Variants in PIGO observed in about 807,000 individuals in gnomAD.
PIGO encodes phosphatidylinositol glycan anchor biosynthesis class O, also known as GPI ethanolamine phosphate transferase 3, catalytic subunit.
A neutral mutation model predicts 86.9 loss-of-function variants in PIGO; 66 were observed. The observed-to-expected ratio is 0.76, with a 90% CI of 0.62 to 0.93. The LOEUF is 0.93. Ranked by LOEUF, PIGO falls within the 40% of genes least tolerant of loss-of-function variation. The pLI is 0.00. For missense variants in PIGO, 1,202 were observed against 1,359.1 expected (o/e 0.88, Z 1.82); for synonymous variants, 570 against 556.4 (o/e 1.02, Z -0.34).
In PIGO at chr9:35,092,526, C is replaced by T. The variant is rs751477063; in HGVS notation, c.1361G>A (p.Gly454Asp). 6.2e-7 allele frequency: 1 copy of T among 1,614,156 alleles called. No homozygotes were observed. The highest frequency in any genetic ancestry group is 1.1e-5 in the South Asian group (1 of 91,088). ...ARFSLVRMAG[G>D]TALLAASCFI... Reference sequence around the variant, plus strand: ...GCAGGAAGCAGCCAAGAGAGCAGTACCCCCCGCCATGCGGACCAGAGAGAA... The same window carrying T: ...GCAGGAAGCAGCCAAGAGAGCAGTATCCCCCGCCATGCGGACCAGAGAGAA... The change falls in exon 7 of 11, where the codon GGT (glycine) becomes GAT (aspartate). Residue 454 changes from glycine to aspartate, a missense_variant. By Grantham distance (94) the Gly-to-Asp change is moderately conservative. Coordinates refer to ENST00000378617, the MANE Select transcript of PIGO (RefSeq NM_032634.4).
chr9:35,089,465 G>C lies in PIGO; in HGVS notation c.3070-15C>G. On this transcript the variant is annotated splice_polypyrimidine_tract_variant and intron_variant, in intron 9 of 10. Transcript: ENST00000378617. ...CAGGCCAGAATCTAGAGGAGGAGAG[G>C]AGGGGCCACGTTACTTGTGAAGGAG... is the stretch of plus-strand genomic sequence containing the variant. The C allele has an allele frequency of 6.2e-7, 1 of 1,614,134 alleles. No homozygotes were observed. The highest frequency in any genetic ancestry group is 8.5e-7 in the Non-Finnish European group (1 of 1,180,024).
chr9:35,091,791 G>A lies in PIGO; in HGVS notation c.2096C>T (p.Pro699Leu), dbSNP rs758634173. 2.5e-6 allele frequency: 4 copies of A among 1,612,974 alleles called. No homozygotes were observed. In the East Asian group the frequency reaches 6.7e-5, roughly 27 times the overall value. The stretch of plus-strand genomic sequence containing the variant: ...TCCCCAGCGCACAAAGAGCATGGGT[G>A]GCTCGGGGCTCTTGAGATTACCATA... ...RRYGNLKSPE[P>L]PMLFVRWGLP... Residue 699 changes from proline to leucine, a missense_variant, in exon 7 of 11, where the codon CCA becomes CTA. Pro to Leu is a moderately conservative substitution (Grantham distance 98). Transcript: ENST00000378617.
rs1172455863 is a variant in PIGO, at chr9:35,090,292, G to A, written c.2855-12C>T. 6.2e-7 allele frequency: 1 copy of A among 1,611,760 alleles called. No homozygotes were observed. The highest frequency in any genetic ancestry group is 8.5e-7 in the Non-Finnish European group (1 of 1,178,486). The stretch of plus-strand genomic sequence containing the variant: ...CAGTGGGCAACCTACTGCCTCAAGA[G>A]AGGGTATGGCTGGAATCAACAGGCC... On this transcript the variant is annotated splice_polypyrimidine_tract_variant and intron_variant, in intron 8 of 10. Transcript: ENST00000378617.
At position 35,095,562 on chromosome 9, in the gene PIGO, G is replaced by T; in HGVS notation, c.4C>A (p.Gln2Lys). 1 of 1,559,570 alleles carries T rather than the reference G, an allele frequency of 6.4e-7. No individual in the cohort carries two copies. Reference protein sequence around the residue: MQKASVLLFLAW... With the variant: MKKASVLLFLAW... ...AGGAAGAGCAACACTGAGGCTTTCT[G>T]CATCCTGATAGGGGTGGGGAAGTAA... The change falls in exon 2 of 11, where the codon CAG (glutamine) becomes AAG (lysine). Residue 2 changes from glutamine (Q) to lysine (K), a missense_variant. Gln to Lys is a moderately conservative substitution (Grantham distance 53). Transcript: ENST00000378617.
At chr9:35,095,740 A>G in intron 1 of PIGO, 174 bp from the exon 2 acceptor site, 2 of 916,012 alleles carry the variant, frequency 2.2e-6, no homozygotes, top group Non-Finnish European at 3.1e-6. Context: ...CAGGCTGGGC[A>G]TGGTGGCTCA....
In PIGO at chr9:35,088,784, A is replaced by G. The variant is rs998451776; in HGVS notation, c.*308T>C. On this transcript the variant is annotated 3_prime_UTR_variant, in exon 11 of 11. Coordinates refer to ENST00000378617, the MANE Select transcript of PIGO (RefSeq NM_032634.4). The stretch of plus-strand genomic sequence containing the variant: ...GGTCTTGAACTCCTGGGACCAAGCA[A>G]TCCTCCCACCTCTGCCTCCCAAAGT... 1.2e-5 allele frequency: 3 copies of G among 258,924 alleles called. No homozygotes were observed. Among genetic ancestry groups the G allele is most frequent in the Non-Finnish European group, 2.3e-5 (3 of 131,994 alleles). The allele number at this position is 258,924 out of a possible 1,614,324, so 16.0% of individuals were successfully genotyped here.
chr9:35,091,278 A>G lies in PIGO; in HGVS notation c.2609T>C (p.Leu870Pro). 5 of 1,610,222 alleles carry G rather than the reference A, an allele frequency of 3.1e-6. No individual in the cohort carries two copies. The highest frequency in any genetic ancestry group is 4.2e-6 in the Non-Finnish European group (5 of 1,177,704). Residue 870 changes from leucine (L) to proline (P), a missense_variant, in exon 7 of 11, where the codon CTA becomes CCA. Physicochemically the swap from Leu to Pro is moderately conservative, Grantham distance 98. Transcript: ENST00000378617. ...GGGTATCCCAGCAGCAAGCAGATGTAGGAGAAGGAAGCTCTGCAGAAACAG... is the reference window on the plus strand; with the variant it reads ...GGGTATCCCAGCAGCAAGCAGATGTGGGAGAAGGAAGCTCTGCAGAAACAG... ...LLLFLQSFLL[L>P]HLLAAGIPVT...
chr9:35,092,144 G>T lies in PIGO; in HGVS notation c.1743C>A (p.Ile581=). Residue 581 remains isoleucine (I), a synonymous_variant, in exon 7 of 11, where the codon ATC becomes ATA. Coordinates refer to ENST00000378617, the MANE Select transcript of PIGO (RefSeq NM_032634.4). Reference sequence around the variant, plus strand: ...AGTGAAGCTGGACAACCAGGAGCAGGATGAATGAGCCCAAAAGGAAGGGGG... The same window carrying T: ...AGTGAAGCTGGACAACCAGGAGCAGTATGAATGAGCCCAAAAGGAAGGGGG... ...RATPFLLGSF[I]LLLVVQLHWE... 1 of 1,614,234 alleles carries T rather than the reference G, an allele frequency of 6.2e-7. No individual in the cohort carries two copies. Among genetic ancestry groups the T allele is most frequent in the Non-Finnish European group, 8.5e-7 (1 of 1,180,042 alleles).
chr9:35,093,308 G>A (rs769096649), intron 5 of PIGO, 99 bp from the exon 6 acceptor site: 9 of 1,569,168 alleles, frequency 5.7e-6, no homozygotes, highest in South Asian at 1.2e-5. Flanking sequence ...GAGAGTGGAG[G>A]ATACCCAGGA....
chr9:35,093,360 G>C, intron 5 of PIGO, 61 bp downstream of exon 5: 1 of 1,607,500 alleles, frequency 6.2e-7, no homozygotes, highest in Non-Finnish European at 8.5e-7. Context: ...TCATGAGGAT[G>C]CTGTAATGGT....
Position 35,095,281 on chromosome 9 carries a change from A to G in PIGO, c.285T>C (p.Pro95=), listed in dbSNP as rs1176196208. ...GTTTGCCCAGGAAGGGTAGGGAGAC[A>G]GGAGGCTCTCTAGGCACGTGTGAAT... ...PQHSHVPREP[P]VSLPFLGKLS... is the part of the protein sequence containing the mutation. The change falls in exon 2 of 11, where the codon CCT becomes CCC. Residue 95 remains proline, a synonymous_variant. Transcript: ENST00000378617. 1.2e-6 allele frequency: 2 copies of G among 1,614,054 alleles called. No individual in the cohort carries two copies. Among genetic ancestry groups the G allele is most frequent in the African/African-American group, 2.7e-5 (2 of 74,930 alleles).
intron 5 of PIGO, 89 bp from the exon 6 acceptor site, chr9:35,093,298 G>A (rs772391745): frequency 1.9e-6 from 3 of 1,568,490 alleles, no homozygotes; most frequent in Admixed American, 1.8e-5. Flanking sequence ...GGTAAGAAAT[G>A]AGAGTGGAGG....
intron 9 of PIGO, 148 bp downstream of exon 9, chr9:35,089,918 C>A: frequency 6.9e-7 from 1 of 1,439,076 alleles, no homozygotes; most frequent in Non-Finnish European, 9.2e-7. Context: ...AGTCTCAGAA[C>A]TGCCATTTGA....
Position 35,095,429 on chromosome 9 carries a change from C to A in PIGO, c.137G>T (p.Gly46Val). The change falls in exon 2 of 11, where the codon GGC (glycine) becomes GTC (valine). Residue 46 changes from glycine to valine, a missense_variant. Transcript: ENST00000378617. ...GCTCCCCCATGGCAGGGACCCAGGG[C>A]CTGGGGGCTCTTGGCAGCTGCTATG... ...TNHSSCQEPP[G>V]PGSLPWGSQG... 6.2e-7 allele frequency: 1 copy of A among 1,614,082 alleles called. No homozygotes were observed. Among genetic ancestry groups the A allele is most frequent in the South Asian group, 1.1e-5 (1 of 91,086 alleles).
Position 35,093,444 on chromosome 9 carries a change from C to T in PIGO, c.916G>A (p.Val306Ile). ...ACCTCTGGTGGGGTGCTGGGGAAGA[C>T]TGCTGTGGGGCTATACAGAAAGAGA... The part of the protein sequence containing the change: ...AALFLYSPTA[V>I]FPSTPPEEPE... The change falls in exon 5 of 11, where the codon GTC becomes ATC. Residue 306 changes from valine (V) to isoleucine (I), a missense_variant. Val to Ile is a conservative substitution (Grantham distance 29). Coordinates refer to ENST00000378617, the MANE Select transcript of PIGO (RefSeq NM_032634.4). 1 of 1,614,162 alleles carries T rather than the reference C, an allele frequency of 6.2e-7. No individual in the cohort carries two copies. The highest frequency in any genetic ancestry group is 8.5e-7 in the Non-Finnish European group (1 of 1,180,020).
In PIGO at chr9:35,092,277, C is replaced by T. The variant is rs146028552; in HGVS notation, c.1610G>A (p.Arg537Lys). Residue 537 changes from arginine (R) to lysine (K), a missense_variant, in exon 7 of 11, where the codon AGG becomes AAG. Arg to Lys is a conservative substitution (Grantham distance 26). Coordinates refer to ENST00000378617, the MANE Select transcript of PIGO (RefSeq NM_032634.4). ...GATGGGAAACAGGGTTGCCAGGGGCCTCTTGGACCCCCAGCCAGCCCAGGC... is the reference window on the plus strand; with the variant it reads ...GATGGGAAACAGGGTTGCCAGGGGCTTCTTGGACCCCCAGCCAGCCCAGGC... Reference protein sequence around the residue: ...WKAWAGWGSKRPLATLFPIPG... With the variant: ...WKAWAGWGSKKPLATLFPIPG... The T allele has an allele frequency of 1.2e-6, 2 of 1,614,114 alleles. No individual in the cohort carries two copies. Among genetic ancestry groups the T allele is most frequent in the African/African-American group, 2.7e-5 (2 of 74,944 alleles).
In PIGO at chr9:35,091,743, G is replaced by T. The variant is rs1322517282; in HGVS notation, c.2144C>A (p.Thr715Asn). 5.6e-6 allele frequency: 9 copies of T among 1,611,948 alleles called. No individual in the cohort carries two copies. The highest frequency in any genetic ancestry group is 1.6e-4 in the Middle Eastern group (1 of 6,062). The change falls in exon 7 of 11, where the codon ACT (threonine) becomes AAT (asparagine). Residue 715 changes from threonine to asparagine, a missense_variant. Coordinates refer to ENST00000378617, the MANE Select transcript of PIGO (RefSeq NM_032634.4). The stretch of plus-strand genomic sequence containing the variant: ...CGACGCCAATGCCCAGTAGGCAGCA[G>T]TACCCAATGCCATTAGGGGCAGTCC... ...RWGLPLMALG[T>N]AAYWALASGA...
Position 35,089,400 on chromosome 9 carries a change from GA to G in PIGO, c.3119del (p.Val1040AlafsTer18), listed in dbSNP as rs765185990. 4 of 1,614,060 alleles carry G rather than the reference GA, an allele frequency of 2.5e-6. No individual in the cohort carries two copies. The highest frequency in any genetic ancestry group is 3.4e-6 in the Non-Finnish European group (4 of 1,180,066). ...CTCACTTAGGGGCAAACACTTTCCA[GA>G]CCATGAGATGCCTGCGAAGGATGGA... is the stretch of plus-strand genomic sequence containing the variant. ...AASILRRHLM[V>X]WKVFAPKFIF... On this transcript the variant is annotated frameshift_variant, in exon 10 of 11. Transcript: ENST00000378617. LOFTEE classifies it high-confidence loss of function.
rs773004511 is a variant in PIGO, at chr9:35,090,617, C to T, written c.2703G>A (p.Gln901=). The T allele has an allele frequency of 1.2e-6, 2 of 1,613,936 alleles. No individual in the cohort carries two copies. The highest frequency in any genetic ancestry group is 1.1e-5 in the South Asian group (1 of 91,088). ...AVSAWALMAT[Q]TFYSTGHQPV... is the part of the protein sequence containing the mutation. Reference sequence around the variant, plus strand: ...GCTGGTGGCCTGTGGAGTAGAAGGTCTGTGTGGCCATGAGGGCCCAAGCCG... The same window carrying T: ...GCTGGTGGCCTGTGGAGTAGAAGGTTTGTGTGGCCATGAGGGCCCAAGCCG... Residue 901 remains glutamine, a synonymous_variant, in exon 8 of 11, where the codon CAG becomes CAA. Coordinates refer to ENST00000378617, the MANE Select transcript of PIGO (RefSeq NM_032634.4).
Sources: allele counts gnomAD v4.1 joint callset, GRCh38; gene constraint gnomAD v4.1.1; transcripts MANE v1.5; gene names NCBI Gene and HGNC (gene_info 2026-07-23, HGNC 2026-07-21).